Variants in TAF1 observed in about 807,000 individuals in gnomAD.
TAF1 encodes the protein TATA-box binding protein associated factor 1, also known as transcription initiation factor TFIID subunit 1.
A neutral mutation model predicts 138.5 loss-of-function variants in TAF1; 2 were observed. That is an observed-to-expected ratio of 0.01 (90% CI 0.01 to 0.05). The LOEUF (loss-of-function observed/expected upper bound fraction) is 0.05. TAF1 is among the 10% of genes least tolerant of loss of function. The probability of loss-of-function intolerance (pLI) is 1.00; values close to 1 mark genes in which losing one functional copy is unlikely to be tolerated. For synonymous variants in TAF1, 437 were observed against 503.2 expected (o/e 0.87, Z 1.76); for missense variants, 709 against 1,478.0 (o/e 0.48, Z 8.53).
downstream of TAF1, among the ~76,000 whole-genome samples, chrX:71,470,836 CAAAAT>C (rs759592361): frequency 1.5e-3 from 155 of 105,987 alleles, no homozygotes; most frequent in Middle Eastern, 4.9e-3. Flanking sequence ...AAAAATAACA[CAAAAT>C]AAAATAAAAT....
chrX:71,381,953 C>T (rs1436175423), intron 9 of TAF1, 34 bp downstream of exon 9: 1 of 1,112,470 alleles, frequency 9.0e-7, no homozygotes. Context: ...GTTTCTTCTC[C>T]TTTGAAAACT....
chrX:71,372,124 G>A (rs2033102024), intron 3 of TAF1, among the ~76,000 whole-genome samples: 1 of 111,002 alleles, frequency 9.0e-6, no homozygotes, highest in East Asian at 2.8e-4. Flanking sequence ...TAGGGTGACA[G>A]TTGTAGAAAA....
At position 71,366,390 on chromosome X, in the gene TAF1, A is replaced by G. The variant is rs960322623; in HGVS notation, c.16A>G (p.Ser6Gly). ...TGCCGCCATCATGTCAGACACGGAC[A>G]GCGACGAAGATTCCGCTGGAGGCGG... is the stretch of plus-strand genomic sequence containing the variant. Reference protein sequence around the residue: MSDTDSDEDSAGGGPF... With the variant: MSDTDGDEDSAGGGPF... Residue 6 changes from serine to glycine, a missense_variant, in exon 1 of 38, where the codon AGC becomes GGC. Coordinates refer to ENST00000423759, the MANE Select transcript of TAF1 (RefSeq NM_004606.5). The G allele has an allele frequency of 1.7e-6, 2 of 1,210,711 alleles. No homozygotes were observed. The highest frequency in any genetic ancestry group is 1.1e-6 in the Non-Finnish European group (1 of 895,342).
chrX:71,403,527 GTT>G (rs954278527), intron 25 of TAF1, among the ~76,000 whole-genome samples: 1 of 111,644 alleles, frequency 9.0e-6, no homozygotes. Context: ...TTTTCCCACT[GTT>G]TTGATCATCT....
At chrX:71,495,478 C>G (rs896496094) in intron 13 of TAF1, among the ~76,000 whole-genome samples, 2 of 111,596 alleles carry the variant, frequency 1.8e-5, no homozygotes, top group African/African-American at 6.5e-5. Context: ...ATTTCAAAAG[C>G]CTTTTCCCGT....
In TAF1 at chrX:71,368,158, C is replaced by G. The variant is rs2032709322; in HGVS notation, c.340C>G (p.Leu114Val). ...YQQTMGSLQP[L>V]CHSDYDEDDY... ...GCAGACGATGGGGAGCTTGCAGCCC[C>G]TTTGCCACTCAGGTGATTCTTTGGT... is the stretch of plus-strand genomic sequence containing the variant. Residue 114 changes from leucine (L) to valine (V), a missense_variant, in exon 3 of 38, where the codon CTT becomes GTT. This residue lies in a region of TAF1 where 123 missense variants were observed against 161.6 expected (regional missense o/e 0.76). Transcript: ENST00000423759. The G allele has an allele frequency of 2.5e-6, 3 of 1,209,523 alleles. No homozygotes were observed. The highest frequency in any genetic ancestry group is 3.4e-6 in the Non-Finnish European group (3 of 894,630).
At chrX:71,439,453 A>G (rs2037305723) in intron 32 of TAF1, among the ~76,000 whole-genome samples, 1 of 111,711 alleles carries the variant, frequency 9.0e-6, no homozygotes, top group Non-Finnish European at 1.9e-5. Flanking sequence ...GACCTTTTAA[A>G]AAACAAAAAA....
rs868569701 is a variant in TAF1, at chrX:71,452,986, G to A, written c.4754-1184G>A. Among the ~76,000 whole-genome samples, 19 of 111,667 alleles carry A rather than the reference G, an allele frequency of 1.7e-4. No homozygotes were observed. The East Asian group carries it at 2.0e-3, about 12-fold the overall frequency. The stretch of plus-strand genomic sequence containing the variant: ...TGAGGCAGGAGAATCAGGCAGGCAG[G>A]TTGCAGTGAGCCGAGATGGCAGCAG... On this transcript the variant is annotated intron_variant, in intron 32 of 37. Transcript: ENST00000423759.
chrX:71,512,997 A>G (rs2039761192), intron 13 of TAF1, among the ~76,000 whole-genome samples: 1 of 112,390 alleles, frequency 8.9e-6, no homozygotes, highest in Admixed American at 9.5e-5. Context: ...TTTGGAGGTC[A>G]CTTTGCTAAA....
chrX:71,456,649 C>CTTTTTTTTTTTTTT lies in TAF1; in HGVS notation c.4939-1562_4939-1549dup, dbSNP rs776321706. Among the ~76,000 whole-genome samples the CTTTTTTTTTTTTTT allele has an allele frequency of 8.9e-4, 24 of 26,828 alleles. 1 individual carries two copies. Among genetic ancestry groups the CTTTTTTTTTTTTTT allele is most frequent in the African/African-American group, 1.1e-3 (7 of 6,186 alleles). 23.3% of individuals were successfully genotyped at this position (26,828 alleles called of 115,157 possible). Reference sequence around the variant, plus strand: ...ATGGTGGTGGTCAATAATGTATTTTCTTTTTTTTTTTTTTTTTTTTTTTTT... The same window carrying CTTTTTTTTTTTTTT: ...ATGGTGGTGGTCAATAATGTATTTTCTTTTTTTTTTTTTTTTTTTTTTTTTTTTTTTTTTTTTTT... On this transcript the variant is annotated intron_variant, in intron 34 of 37. Coordinates refer to ENST00000423759, the MANE Select transcript of TAF1 (RefSeq NM_004606.5).
intron 24 of TAF1, among the ~76,000 whole-genome samples, chrX:71,400,761 A>G (rs966171610): frequency 1.7e-4 from 19 of 112,710 alleles, no homozygotes; most frequent in South Asian, 3.6e-4. Flanking sequence ...TTTATAAACT[A>G]TAAAATATTC....
At chrX:71,527,451 A>G (rs761635223) in intron 13 of TAF1, among the ~76,000 whole-genome samples, 2 of 111,046 alleles carry the variant, frequency 1.8e-5, no homozygotes, top group Non-Finnish European at 3.8e-5. Context: ...GATTGAATAC[A>G]TATGAAATGT....
chrX:71,397,177 C>A, intron 22 of TAF1, 76 bp from the exon 23 acceptor site: 1 of 1,055,143 alleles, frequency 9.5e-7, no homozygotes, highest in Non-Finnish European at 1.3e-6. Flanking sequence ...ACTTTGATAG[C>A]TCCACTCAAT....
At chrX:71,477,374 T>C (rs1420090912) in intron 13 of TAF1, among the ~76,000 whole-genome samples, 1 of 110,719 alleles carries the variant, frequency 9.0e-6, no homozygotes, top group Non-Finnish European at 1.9e-5. Flanking sequence ...CACTGCAGCC[T>C]CAACCTTCTG....
rs530294638 is a variant in TAF1, at chrX:71,420,570, C to T, written c.4385-739C>T. On this transcript the variant is annotated intron_variant, in intron 28 of 37. Coordinates refer to ENST00000423759, the MANE Select transcript of TAF1 (RefSeq NM_004606.5). ...GGTGGACTCATACTCATCTGCTTCT[C>T]TACCTCGTTCTGTAGCTCCTTTAGC... 1.6e-5 allele frequency: 19 copies of T among 1,208,340 alleles called. No homozygotes were observed. In the South Asian group the frequency reaches 2.6e-4, roughly 17 times the overall value.
chrX:71,459,242 T>G, intron 35 of TAF1: 1 of 1,132,039 alleles, frequency 8.8e-7, no homozygotes, highest in Admixed American at 2.3e-5. Context: ...AACCTAAGAC[T>G]CCAGCCCCAG....
chrX:71,376,815 A>G, intron 4 of TAF1, 135 bp from the exon 5 acceptor site: 1 of 886,032 alleles, frequency 1.1e-6, no homozygotes, highest in Non-Finnish European at 1.5e-6. Context: ...GTTGCATACT[A>G]GTATTATGAT....
At chrX:71,388,411 T>A (rs2034368754) in intron 16 of TAF1, 33 bp downstream of exon 16, 1 of 1,183,373 alleles carries the variant, frequency 8.5e-7, no homozygotes, top group Admixed American at 2.6e-5. Flanking sequence ...TTGTCTGCCT[T>A]TTTCCAAGAA....
At chrX:71,511,892 T>C (rs937063814) in intron 13 of TAF1, among the ~76,000 whole-genome samples, 1 of 110,228 alleles carries the variant, frequency 9.1e-6, no homozygotes, top group Non-Finnish European at 1.9e-5. Context: ...GGCACACGCC[T>C]GTAGTCTCAG....
Sources: allele counts gnomAD v4.1 joint callset (sites outside exome capture counted in the v4.1 genomes callset), GRCh38; gene constraint gnomAD v4.1.1; regional missense constraint gnomAD v4.1.1; transcripts MANE v1.5; gene names NCBI Gene and HGNC (gene_info 2026-07-23, HGNC 2026-07-21).